Variants in SLC24A2 observed in about 807,000 individuals in gnomAD.
SLC24A2 encodes sodium/potassium/calcium exchanger 2.
SLC24A2 carries 36 observed loss-of-function variants against 62.0 expected under a neutral mutation model. The ratio of observed to expected loss-of-function variants is 0.58; its 90% confidence interval spans 0.44 to 0.77. SLC24A2 has a LOEUF of 0.77. Ranked by LOEUF, SLC24A2 falls within the 30% of genes least tolerant of loss-of-function variation. The probability of loss-of-function intolerance (pLI) is 0.00; values close to 1 mark genes in which losing one functional copy is unlikely to be tolerated. For missense variants in SLC24A2, 846 were observed against 817.9 expected (o/e 1.03, Z -0.42); for synonymous variants, 358 against 294.0 (o/e 1.22, Z -2.23).
the SLC24A2 span, among the ~76,000 whole-genome samples, chr9:20,188,362 G>C: frequency 6.6e-6 from 1 of 152,100 alleles, no homozygotes; most frequent in Non-Finnish European, 1.5e-5. Flanking sequence ...CAAATGGGGT[G>C]GGTCAGGGGC....
chr9:19,922,716 T>C, the SLC24A2 span, among the ~76,000 whole-genome samples: 1 of 151,942 alleles, frequency 6.6e-6, no homozygotes, highest in Non-Finnish European at 1.5e-5. Flanking sequence ...ACTCCAAATA[T>C]GGAAGCGCTG....
intron 2 of SLC24A2, among the ~76,000 whole-genome samples, chr9:19,776,078 T>A (rs946497243): frequency 6.6e-6 from 1 of 152,234 alleles, no homozygotes; most frequent in Admixed American, 6.5e-5. Context: ...TATGCACATA[T>A]GTATGTGTGC....
At chr9:20,192,833 T>C in the SLC24A2 span, among the ~76,000 whole-genome samples, 1 of 152,154 alleles carries the variant, frequency 6.6e-6, no homozygotes, top group East Asian at 1.9e-4. Flanking sequence ...GAGCCTTTCT[T>C]AGAAAACTCA....
chr9:19,963,268 G>C, the SLC24A2 span, among the ~76,000 whole-genome samples: 1 of 148,244 alleles, frequency 6.7e-6, no homozygotes, highest in South Asian at 2.2e-4. Flanking sequence ...AAAAACCCTA[G>C]AAGAAAACCT....
chr9:19,981,260 C>T, the SLC24A2 span, among the ~76,000 whole-genome samples: 2 of 152,174 alleles, frequency 1.3e-5, no homozygotes, highest in Non-Finnish European at 2.9e-5. Context: ...TTCATTCTTT[C>T]AAAGAACATT....
At chr9:19,652,459 T>TAG (rs56239530) in intron 2 of SLC24A2, among the ~76,000 whole-genome samples, 4,106 of 152,108 alleles carry the variant, frequency 0.027, 91 homozygotes, top group Non-Finnish European at 0.044. Flanking sequence ...GCAATGGAGT[T>TAG]AGAGAAAAAG....
intron 10 of SLC24A2, among the ~76,000 whole-genome samples, chr9:19,518,689 G>A (rs183689895): frequency 6.7e-4 from 102 of 151,928 alleles, no homozygotes; most frequent in African/African-American, 1.7e-3. Flanking sequence ...CAAAGTGCTG[G>A]GATTACAGGT....
the SLC24A2 span, among the ~76,000 whole-genome samples, chr9:20,022,530 C>T: frequency 2.6e-5 from 4 of 152,268 alleles, 1 homozygote; most frequent in South Asian, 8.3e-4. Flanking sequence ...GTACCCCCTC[C>T]CTGTTGCAAT....
the SLC24A2 span, among the ~76,000 whole-genome samples, chr9:20,027,394 C>G: frequency 6.6e-6 from 1 of 152,100 alleles, no homozygotes; most frequent in African/African-American, 2.4e-5. Flanking sequence ...AATATGAAAT[C>G]AATCTTAGTG....
the SLC24A2 span, among the ~76,000 whole-genome samples, chr9:20,047,149 C>T: frequency 3.9e-5 from 6 of 152,278 alleles, no homozygotes; most frequent in South Asian, 1.2e-3. Flanking sequence ...TTAGTTACAA[C>T]AGGTGATGTT....
At chr9:20,004,135 C>G in the SLC24A2 span, among the ~76,000 whole-genome samples, 1 of 152,168 alleles carries the variant, frequency 6.6e-6, no homozygotes, top group Non-Finnish European at 1.5e-5. Flanking sequence ...ACACAGACCC[C>G]TTCTAATGAG....
At chr9:20,230,830 A>C in the SLC24A2 span, among the ~76,000 whole-genome samples, 1 of 152,046 alleles carries the variant, frequency 6.6e-6, no homozygotes, top group African/African-American at 2.4e-5. Context: ...CTGAATGGTA[A>C]TGCCTAGGTT....
At chr9:20,032,929 G>A in the SLC24A2 span, among the ~76,000 whole-genome samples, 5 of 152,164 alleles carry the variant, frequency 3.3e-5, no homozygotes, top group Non-Finnish European at 5.9e-5. Context: ...ATGGCAAGAC[G>A]TAACTCCGAT....
chr9:19,525,047 C>T (rs1194087835), intron 9 of SLC24A2, among the ~76,000 whole-genome samples: 1 of 152,132 alleles, frequency 6.6e-6, no homozygotes, highest in Non-Finnish European at 1.5e-5. Context: ...TGAAAACCAG[C>T]CCACCTTCTG....
chr9:19,837,448 G>T, the SLC24A2 span, among the ~76,000 whole-genome samples: 1 of 94,176 alleles, frequency 1.1e-5, no homozygotes, highest in Non-Finnish European at 1.9e-5. Flanking sequence ...GACAGAGCGA[G>T]ACTCCGTCTC....
At position 19,563,227 on chromosome 9, in the gene SLC24A2, T is replaced by TAC. The variant is rs538280165; in HGVS notation, c.1347+10122_1347+10123dup. On this transcript the variant is annotated intron_variant, in intron 7 of 10. Coordinates refer to ENST00000341998, the MANE Select transcript of SLC24A2 (RefSeq NM_020344.4). ...GTGTTCTAGTGGTGTCAGACATAAA[T>TAC]ACACACACACCGCTTTTCACCAATG... Among the ~76,000 whole-genome samples the TAC allele has an allele frequency of 8.5e-5, 13 of 152,274 alleles. No individual in the cohort carries two copies. In the East Asian group the frequency reaches 1.5e-3, roughly 18 times the overall value.
chr9:19,964,399 C>T, the SLC24A2 span, among the ~76,000 whole-genome samples: 1 of 151,990 alleles, frequency 6.6e-6, no homozygotes, highest in Non-Finnish European at 1.5e-5. Flanking sequence ...AAAGGAGTTG[C>T]AGTCAAGTGG....
At chr9:20,247,037 C>T in the SLC24A2 span, among the ~76,000 whole-genome samples, 3 of 152,200 alleles carry the variant, frequency 2.0e-5, no homozygotes, top group African/African-American at 7.2e-5. Context: ...AGAAAAATAA[C>T]ATGTGAGACC....
chr9:20,025,744 A>G, the SLC24A2 span, among the ~76,000 whole-genome samples: 25 of 152,146 alleles, frequency 1.6e-4, no homozygotes, highest in Non-Finnish European at 2.9e-4. Flanking sequence ...TGAGATCATA[A>G]CCTTTGGCTG....
Sources: allele counts gnomAD v4.1 joint callset (sites outside exome capture counted in the v4.1 genomes callset), GRCh38; gene constraint gnomAD v4.1.1; transcripts MANE v1.5; gene names NCBI Gene and HGNC (gene_info 2026-07-23, HGNC 2026-07-21).